Variants in TCP1 observed in about 807,000 individuals in gnomAD.
TCP1 encodes t-complex 1, also known as T-complex protein 1 subunit alpha.
A neutral mutation model predicts 54.7 loss-of-function variants in TCP1; 6 were observed. The observed-to-expected ratio is 0.11, with a 90% CI of 0.06 to 0.22. TCP1 has a LOEUF of 0.22. Among genes scored for constraint, TCP1 ranks in the 10% least tolerant of loss-of-function variants. The probability of loss-of-function intolerance (pLI) is 1.00; values close to 1 mark genes in which losing one functional copy is unlikely to be tolerated. For synonymous variants in TCP1, 225 were observed against 229.7 expected, an observed-to-expected ratio of 0.98 and a Z score of 0.19; for missense variants, 511 against 678.2, an observed-to-expected ratio of 0.75 and a Z score of 2.74.
chr6:159,788,597 AAG>A (rs1491059181), intron 1 of TCP1: 1 of 157,418 alleles, frequency 6.4e-6, no homozygotes, highest in African/African-American at 2.4e-5. Flanking sequence ...AAAAAAAAAA[AAG>A]TAATAACCAC....
In TCP1 at chr6:159,778,628, TAAAC is replaced by T. The variant is rs761363985; in HGVS notation, c.*413_*416del. 1.6e-5 allele frequency: 26 copies of T among 1,607,022 alleles called. No individual in the cohort carries two copies. The highest frequency in any genetic ancestry group is 2.1e-5 in the Non-Finnish European group (25 of 1,174,334). The stretch of plus-strand genomic sequence containing the variant: ...ATTTTAAACTGTGTCCACAGAAGAA[TAAAC>T]AATCTAAATCTTTTCTCCCCCGTTA... On this transcript the variant is annotated 3_prime_UTR_variant, in exon 12 of 12. Transcript: ENST00000321394.
At position 159,778,547 on chromosome 6, in the gene TCP1, T is replaced by C; in HGVS notation, c.*498A>G. ...TATTCCTAAGCAGTTAAAATGAAAA[T>C]TTGAGTTTGAAAGGGTAGCATGCTG... On this transcript the variant is annotated 3_prime_UTR_variant, in exon 12 of 12. Transcript: ENST00000321394. 1 of 1,216,774 alleles carries C rather than the reference T, an allele frequency of 8.2e-7. No individual in the cohort carries two copies. Among genetic ancestry groups the C allele is most frequent in the Non-Finnish European group, 1.1e-6 (1 of 875,820 alleles). 75.4% of individuals were successfully genotyped at this position (1,216,774 alleles called of 1,614,324 possible).
intron 11 of TCP1, 75 bp from the exon 12 acceptor site, chr6:159,779,336 C>A: frequency 7.5e-7 from 1 of 1,336,352 alleles, no homozygotes; most frequent in Non-Finnish European, 1.1e-6. Context: ...GCATTTCATT[C>A]AAGTATTAAG....
Position 159,778,532 on chromosome 6 carries a change from C to A in TCP1, c.*513G>T. ...ACAAAGGTGTAAATTTATTCCTAAGCAGTTAAAATGAAAATTTGAGTTTGA... is the reference window on the plus strand; with the variant it reads ...ACAAAGGTGTAAATTTATTCCTAAGAAGTTAAAATGAAAATTTGAGTTTGA... On this transcript the variant is annotated 3_prime_UTR_variant, in exon 12 of 12. Coordinates refer to ENST00000321394, the MANE Select transcript of TCP1 (RefSeq NM_030752.3). The A allele has an allele frequency of 1.9e-6, 2 of 1,046,074 alleles. No individual in the cohort carries two copies. The highest frequency in any genetic ancestry group is 2.7e-6 in the Non-Finnish European group (2 of 733,226). 64.8% of individuals were successfully genotyped at this position (1,046,074 alleles called of 1,614,324 possible).
chr6:159,784,812 G>A lies in TCP1; in HGVS notation c.524C>T (p.Ala175Val), dbSNP rs1330547888. Residue 175 changes from alanine (A) to valine (V), a missense_variant, in exon 6 of 12, where the codon GCT becomes GTT. Coordinates refer to ENST00000321394, the MANE Select transcript of TCP1 (RefSeq NM_030752.3). ...GDFFANMVVD[A>V]VLAIKYTDIR... ...GTCTGTGTATTTAATAGCAAGTACAGCATCTACTACCATGTTAGCAAAGAA... is the reference window on the plus strand; with the variant it reads ...GTCTGTGTATTTAATAGCAAGTACAACATCTACTACCATGTTAGCAAAGAA... The A allele has an allele frequency of 1.9e-6, 3 of 1,614,024 alleles. No individual in the cohort carries two copies. In the African/African-American group the frequency reaches 4.0e-5, roughly 22 times the overall value.
intron 7 of TCP1, among the ~76,000 whole-genome samples, chr6:159,781,774 A>AAAAC (rs369650799): frequency 5.3e-5 from 8 of 152,324 alleles, no homozygotes; most frequent in East Asian, 3.9e-4. Flanking sequence ...CTCCGTCTCA[A>AAAAC]AAACAAACAA....
chr6:159,779,325 A>G, intron 11 of TCP1, 64 bp from the exon 12 acceptor site: 1 of 1,393,942 alleles, frequency 7.2e-7, no homozygotes, highest in South Asian at 1.2e-5. Context: ...TATTAACTCC[A>G]GCATTTCATT....
intron 3 of TCP1, among the ~76,000 whole-genome samples, chr6:159,787,300 C>T (rs1780722931): frequency 6.6e-6 from 1 of 152,126 alleles, no homozygotes; most frequent in East Asian, 1.9e-4. Flanking sequence ...AACATTTTAT[C>T]CTCCAAATAA....
chr6:159,786,034 A>G (rs1215385086), intron 3 of TCP1, 37 bp from the exon 4 acceptor site: 17 of 1,520,082 alleles, frequency 1.1e-5, no homozygotes, highest in Non-Finnish European at 1.5e-5. Flanking sequence ...AGTGTGCCGG[A>G]TATTCAACAT....
chr6:159,788,308 G>A (rs867159594), intron 1 of TCP1, 165 bp from the exon 2 acceptor site: 2 of 613,680 alleles, frequency 3.3e-6, no homozygotes, highest in East Asian at 3.0e-5. Flanking sequence ...GTGTAAATGG[G>A]GCCAGACACT....
At chr6:159,781,336 A>G (rs1780571452) in intron 7 of TCP1, among the ~76,000 whole-genome samples, 1 of 152,248 alleles carries the variant, frequency 6.6e-6, no homozygotes, top group South Asian at 2.1e-4. Context: ...AACTATGGTT[A>G]AACAGGGAAC....
intron 6 of TCP1, 68 bp from the exon 7 acceptor site, chr6:159,784,135 C>A: frequency 2.0e-6 from 3 of 1,527,942 alleles, no homozygotes; most frequent in Non-Finnish European, 2.6e-6. Context: ...TACCTATAAT[C>A]GATTGTATGT....
chr6:159,788,802 C>T (rs1780765998), intron 1 of TCP1: 1 of 152,878 alleles, frequency 6.5e-6, no homozygotes, highest in Admixed American at 6.5e-5. Context: ...TGTAGGTATC[C>T]AAAGGCCTGA....
Position 159,784,862 on chromosome 6 carries a change from A to G in TCP1, c.489-15T>C. ...AATCACCATTTCTACGCCAAAAGTT[A>G]AGGACAGTAACAGGTTTGGAATGGA... On this transcript the variant is annotated splice_polypyrimidine_tract_variant and intron_variant, in intron 5 of 11. Coordinates refer to ENST00000321394, the MANE Select transcript of TCP1 (RefSeq NM_030752.3). The G allele has an allele frequency of 6.2e-7, 1 of 1,614,178 alleles. No individual in the cohort carries two copies. Among genetic ancestry groups the G allele is most frequent in the Non-Finnish European group, 8.5e-7 (1 of 1,179,986 alleles).
At chr6:159,783,904 TCA>T (rs776034173) in intron 7 of TCP1, 35 bp downstream of exon 7, 4 of 1,546,358 alleles carry the variant, frequency 2.6e-6, no homozygotes, top group Non-Finnish European at 3.5e-6. Flanking sequence ...TCCAAGACAC[TCA>T]CACTTAAAAG....
chr6:159,780,013 G>A lies in TCP1; in HGVS notation c.1172C>T (p.Ser391Phe). Residue 391 changes from serine to phenylalanine, a missense_variant, in exon 10 of 12, where the codon TCT becomes TTT. Physicochemically the swap from Ser to Phe is radical, Grantham distance 155 (BLOSUM62 -2). Coordinates refer to ENST00000321394, the MANE Select transcript of TCP1 (RefSeq NM_030752.3). ...NDFMCDEMER[S>F]LHDALCVVKR... ...CACTACACAAAGTGCATCATGTAAA[G>A]AGCGCTCCATCTCATCACACATGAA... The A allele has an allele frequency of 6.2e-7, 1 of 1,614,100 alleles. No individual in the cohort carries two copies. The highest frequency in any genetic ancestry group is 8.5e-7 in the Non-Finnish European group (1 of 1,179,996).
intron 3 of TCP1, 124 bp downstream of exon 3, chr6:159,787,619 T>A: frequency 8.0e-7 from 1 of 1,246,158 alleles, no homozygotes; most frequent in Admixed American, 2.4e-5. Context: ...TCTTGCTCAA[T>A]CTTCTGGGCA....
chr6:159,784,138 T>C (rs951031865), intron 6 of TCP1, 71 bp from the exon 7 acceptor site: 21 of 1,526,598 alleles, frequency 1.4e-5, no homozygotes, highest in African/African-American at 8.3e-5. Flanking sequence ...CTATAATCGA[T>C]TGTATGTAAA....
Position 159,784,051 on chromosome 6 carries a change from G to T in TCP1, c.687C>A (p.Ile229=). ...CAAGGCAAGCAATTTTTGCATTTAC[G>T]ATTCTCTTGGGCATGCCTACAATTG... ...VVGSQGMPKR[I]VNAKIACLDF... The change falls in exon 7 of 12, where the codon ATC becomes ATA. Residue 229 remains isoleucine, a synonymous_variant. Coordinates refer to ENST00000321394, the MANE Select transcript of TCP1 (RefSeq NM_030752.3). 1.2e-6 allele frequency: 2 copies of T among 1,613,474 alleles called. No individual in the cohort carries two copies. The highest frequency in any genetic ancestry group is 1.7e-4 in the Middle Eastern group (1 of 6,020).
Sources: gnomAD v4.1 joint callset for allele counts (sites outside exome capture counted in the v4.1 genomes callset) on GRCh38, gnomAD v4.1.1 for gene constraint, MANE v1.5 for transcripts, NCBI Gene and HGNC (gene_info 2026-07-23, HGNC 2026-07-21) for gene names.